SPOP: variants seen among roughly 807,000 people sequenced by gnomAD.
SPOP encodes the protein speckle type BTB/POZ protein.
A neutral mutation model predicts 45.6 loss-of-function variants in SPOP; 11 were observed. That is an observed-to-expected ratio of 0.24 (90% CI 0.15 to 0.40). SPOP has a LOEUF of 0.40. Among genes scored for constraint, SPOP ranks in the 10% least tolerant of loss-of-function variants. SPOP has a pLI of 1.00. For synonymous variants in SPOP, 166 were observed against 166.3 expected, an observed-to-expected ratio of 1.00 and a Z score of 0.01; for missense variants, 152 against 465.6, an observed-to-expected ratio of 0.33 and a Z score of 6.20.
chr17:49,638,918 C>G (rs1334834999), intron 1 of SPOP, among the ~76,000 whole-genome samples: 1 of 152,188 alleles, frequency 6.6e-6, no homozygotes, highest in Non-Finnish European at 1.5e-5. Context: ...GAGGCTGAGA[C>G]TGGAGAATCG....
chr17:49,664,605 G>A (rs2073028979), intron 1 of SPOP, among the ~76,000 whole-genome samples: 1 of 152,154 alleles, frequency 6.6e-6, no homozygotes, highest in Admixed American at 6.6e-5. Context: ...TGAGACGACA[G>A]TGAGAATCAC....
chr17:49,661,944 C>T (rs2072993301), intron 1 of SPOP, among the ~76,000 whole-genome samples: 1 of 138,766 alleles, frequency 7.2e-6, no homozygotes, highest in African/African-American at 2.7e-5. Flanking sequence ...ACTGGGAAGG[C>T]GGAGGTTGCG....
intron 1 of SPOP, among the ~76,000 whole-genome samples, chr17:49,641,608 GTA>G (rs975567963): frequency 6.7e-6 from 1 of 149,744 alleles, no homozygotes; most frequent in African/African-American, 2.4e-5. Flanking sequence ...TTCTCCCCTT[GTA>G]TGTCAAATTA....
At chr17:49,642,719 G>T (rs1384612222) in intron 1 of SPOP, among the ~76,000 whole-genome samples, 1 of 152,194 alleles carries the variant, frequency 6.6e-6, no homozygotes, top group Non-Finnish European at 1.5e-5. Flanking sequence ...TCTAAAGAAA[G>T]ATTTAAGATA....
chr17:49,611,631 T>G (rs759446970), intron 5 of SPOP, among the ~76,000 whole-genome samples, 174 bp from the exon 6 acceptor site: 12 of 152,156 alleles, frequency 7.9e-5, no homozygotes, highest in Non-Finnish European at 1.6e-4. Flanking sequence ...TAACTCCTTT[T>G]CTGTCACAAT....
intron 1 of SPOP, 133 bp from the exon 2 acceptor site, chr17:49,623,009 A>T: frequency 1.9e-6 from 1 of 521,582 alleles, no homozygotes; most frequent in East Asian, 3.3e-5. Flanking sequence ...GAGGTCCTAA[A>T]ATTTTTTTTT....
At chr17:49,660,819 A>G (rs779025809) in intron 1 of SPOP, among the ~76,000 whole-genome samples, 36 of 152,166 alleles carry the variant, frequency 2.4e-4, no homozygotes, top group Non-Finnish European at 3.5e-4. Flanking sequence ...CAAAAAAATT[A>G]GCCAGGTGTG....
At chr17:49,630,201 CA>C in intron 1 of SPOP, among the ~76,000 whole-genome samples, 1 of 152,140 alleles carries the variant, frequency 6.6e-6, no homozygotes, top group African/African-American at 2.4e-5. Flanking sequence ...AACAAACAAA[CA>C]AAAAAACTGT....
chr17:49,671,134 T>A (rs1365954986), intron 1 of SPOP, among the ~76,000 whole-genome samples: 1 of 151,966 alleles, frequency 6.6e-6, no homozygotes, highest in Non-Finnish European at 1.5e-5. Flanking sequence ...CGAAGAATAT[T>A]CAAGACAAGG....
chr17:49,660,587 C>T (rs367986444), intron 1 of SPOP, among the ~76,000 whole-genome samples: 18 of 152,278 alleles, frequency 1.2e-4, no homozygotes, highest in South Asian at 8.3e-4. Context: ...TGGCACATAA[C>T]TGGTACCCAA....
At position 49,600,227 on chromosome 17, in the gene SPOP, G is replaced by T; in HGVS notation, c.*151C>A. The T allele has an allele frequency of 2.0e-6, 2 of 983,730 alleles. No homozygotes were observed. The highest frequency in any genetic ancestry group is 1.5e-6 in the Non-Finnish European group (1 of 657,106). 60.9% of individuals were successfully genotyped at this position (983,730 alleles called of 1,614,324 possible). On this transcript the variant is annotated 3_prime_UTR_variant, in exon 10 of 10. Coordinates refer to ENST00000504102, the MANE Select transcript of SPOP (RefSeq NM_001007228.2). The surrounding 1 kb of genome is among the most constrained non-coding windows in gnomAD (Gnocchi z 4.2). ...CCCCGTTTCCCCCAAGTTATTTAGT[G>T]CTGTTTTAAAAGTCTGGGGCCACAA...
chr17:49,601,782 C>CTT, intron 9 of SPOP, 83 bp downstream of exon 9: 1 of 1,557,316 alleles, frequency 6.4e-7, no homozygotes, highest in Non-Finnish European at 8.8e-7. Flanking sequence ...TACTTGCCTG[C>CTT]TTTACCCACT....
chr17:49,601,745 T>C, intron 9 of SPOP, 120 bp downstream of exon 9: 1 of 1,295,398 alleles, frequency 7.7e-7, no homozygotes, highest in South Asian at 1.4e-5. Context: ...GAAAACTCTA[T>C]TCTTACTGCC....
chr17:49,625,689 A>G (rs1043990091), intron 1 of SPOP, among the ~76,000 whole-genome samples: 8 of 152,220 alleles, frequency 5.3e-5, no homozygotes, highest in African/African-American at 1.9e-4. Context: ...AAGCAAGTTT[A>G]GGAATGACAT....
intron 1 of SPOP, among the ~76,000 whole-genome samples, chr17:49,627,520 G>C (rs905293238): frequency 5.9e-5 from 9 of 152,034 alleles, no homozygotes; most frequent in Admixed American, 1.3e-4. Flanking sequence ...CAAAAAATTT[G>C]GCTCTGGAGA....
chr17:49,625,523 G>A lies in SPOP; in HGVS notation c.-66-2647C>T, dbSNP rs573693345. Among the ~76,000 whole-genome samples the A allele has an allele frequency of 9.2e-5, 14 of 152,204 alleles. No homozygotes were observed. In the East Asian group the frequency reaches 1.2e-3, roughly 13 times the overall value. ...CTCCGGAGGCTGAGGCAGGAGAATC[G>A]CTTGAACCTGGGAGGCGGAGGTTGT... On this transcript the variant is annotated intron_variant, in intron 1 of 9. Coordinates refer to ENST00000504102, the MANE Select transcript of SPOP (RefSeq NM_001007228.2).
intron 1 of SPOP, among the ~76,000 whole-genome samples, chr17:49,666,615 G>A (rs568961385): frequency 5.9e-5 from 9 of 152,206 alleles, no homozygotes; most frequent in African/African-American, 2.2e-4. Context: ...ATCACTTGAG[G>A]TCAGGAGTTT....
chr17:49,601,337 T>C (rs1476700003), intron 9 of SPOP: 1 of 152,372 alleles, frequency 6.6e-6, no homozygotes, highest in Non-Finnish European at 1.5e-5. Flanking sequence ...TTCTTATTAT[T>C]TCATATTATT....
chr17:49,628,078 C>T (rs908177997), intron 1 of SPOP, among the ~76,000 whole-genome samples: 4 of 152,340 alleles, frequency 2.6e-5, no homozygotes, highest in Non-Finnish European at 1.5e-5. Context: ...AAGAGGAGAC[C>T]TACCTGAGGG....
Sources: gnomAD v4.1 joint callset for allele counts (sites outside exome capture counted in the v4.1 genomes callset) on GRCh38, gnomAD v4.1.1 for gene constraint, Gnocchi (gnomAD v3.1) non-coding constraint, MANE v1.5 for transcripts, NCBI Gene and HGNC (gene_info 2026-07-23, HGNC 2026-07-21) for gene names.